Variants in SMIM36 observed in about 807,000 individuals in gnomAD.
The protein encoded by SMIM36 is small integral membrane protein 36.
chr17:55,528,562 T>A, the SMIM36 span, among the ~76,000 whole-genome samples: 3 of 151,268 alleles, frequency 2.0e-5, no homozygotes, highest in African/African-American at 7.3e-5. Context: ...TTTCTTTTTT[T>A]TTTTTTTGAG....
chr17:55,521,056 G>A, the SMIM36 span, among the ~76,000 whole-genome samples: 4 of 152,174 alleles, frequency 2.6e-5, no homozygotes, highest in African/African-American at 7.2e-5. Context: ...CCAGGAGGTG[G>A]AGGCTGCAGT....
the SMIM36 span, among the ~76,000 whole-genome samples, chr17:55,521,276 G>C: frequency 5.9e-5 from 9 of 152,224 alleles, no homozygotes; most frequent in Admixed American, 5.9e-4. Context: ...AGCAATTAGA[G>C]AGAAGAGTTT....
chr17:55,523,401 G>A, the SMIM36 span, among the ~76,000 whole-genome samples: 11 of 152,102 alleles, frequency 7.2e-5, no homozygotes, highest in African/African-American at 2.4e-4. Context: ...ATGGTGGCAC[G>A]CACCTGTAGT....
chr17:55,531,958 C>T, the SMIM36 span, among the ~76,000 whole-genome samples: 51,684 of 152,036 alleles, frequency 0.34, 8,893 homozygotes, highest in East Asian at 0.5. Flanking sequence ...ACATATGTCA[C>T]CCAAGTGTCA....
chr17:55,522,961 T>C, the SMIM36 span, among the ~76,000 whole-genome samples: 1 of 152,138 alleles, frequency 6.6e-6, no homozygotes, highest in Non-Finnish European at 1.5e-5. Context: ...CAAACACATC[T>C]CTTCCAATAT....
At chr17:55,460,455 A>AAAAAAAAAAAAAAAAAAAC (rs1567862737) in intron 4 of SMIM36, among the ~76,000 whole-genome samples, 1 of 148,802 alleles carries the variant, frequency 6.7e-6, no homozygotes, top group African/African-American at 2.5e-5. Context: ...AACAAAACAA[A>AAAAAAAAAAAAAAAAAAAC]AAAAAAGAAC....
the SMIM36 span, among the ~76,000 whole-genome samples, chr17:55,529,344 T>A: frequency 1.3e-5 from 2 of 152,218 alleles, no homozygotes; most frequent in Non-Finnish European, 2.9e-5. Flanking sequence ...ATATCCAGGC[T>A]GGGAGCAGTG....
the SMIM36 span, among the ~76,000 whole-genome samples, chr17:55,523,144 G>C: frequency 7.9e-5 from 12 of 152,100 alleles, no homozygotes. Context: ...TTAAAGACAT[G>C]ATTAAGTTAC....
At chr17:55,467,244 G>T (rs1909255492) in exon 4 of SMIM36, 1 of 152,192 alleles carries the variant, frequency 6.6e-6, no homozygotes, top group Non-Finnish European at 1.5e-5. Flanking sequence ...AAAGAGCAGT[G>T]GGGCTTGTTA....
At chr17:55,490,124 G>C (rs948691132) in intron 1 of SMIM36, among the ~76,000 whole-genome samples, 11 of 151,792 alleles carry the variant, frequency 7.2e-5, no homozygotes, top group Admixed American at 5.3e-4. Flanking sequence ...CAAAGTGCTC[G>C]GATTATAGAC....
At chr17:55,487,879 T>TCA (rs1909635225) in intron 1 of SMIM36, among the ~76,000 whole-genome samples, 1 of 152,150 alleles carries the variant, frequency 6.6e-6, no homozygotes, top group African/African-American at 2.4e-5. Flanking sequence ...GCCTTTGCTG[T>TCA]TTCGTGGCAA....
intron 3 of SMIM36, among the ~76,000 whole-genome samples, chr17:55,469,608 G>A (rs1470149399): frequency 6.6e-6 from 1 of 152,182 alleles, no homozygotes; most frequent in Non-Finnish European, 1.5e-5. Flanking sequence ...AGAAGAGACA[G>A]CCAAGCAACA....
chr17:55,528,867 C>T, the SMIM36 span, among the ~76,000 whole-genome samples: 2 of 152,106 alleles, frequency 1.3e-5, no homozygotes, highest in Non-Finnish European at 2.9e-5. Context: ...AGTCTTAAAC[C>T]TATAACGTAA....
intron 3 of SMIM36, among the ~76,000 whole-genome samples, chr17:55,475,121 A>C (rs1909407265): frequency 6.6e-6 from 1 of 152,070 alleles, no homozygotes; most frequent in Non-Finnish European, 1.5e-5. Context: ...CTTGGACTGC[A>C]CCCCAAAAAC....
chr17:55,492,103 GAGCTGAGATGCTGTCACTGCACTCC>G (rs1598454590), intron 1 of SMIM36, among the ~76,000 whole-genome samples: 2 of 151,146 alleles, frequency 1.3e-5, no homozygotes, highest in East Asian at 3.9e-4. Flanking sequence ...AGCTTGCAGT[GAGCTGAGATGCTGTCACTGCACTCC>G]AGCCTGGGCA....
At chr17:55,521,818 T>C in the SMIM36 span, among the ~76,000 whole-genome samples, 1 of 151,240 alleles carries the variant, frequency 6.6e-6, no homozygotes, top group African/African-American at 2.4e-5. Context: ...TAAAATATAT[T>C]GGGAATGCAA....
intron 1 of SMIM36, among the ~76,000 whole-genome samples, chr17:55,507,849 C>T (rs200052057): frequency 6.6e-6 from 1 of 152,180 alleles, no homozygotes; most frequent in Admixed American, 6.6e-5. Flanking sequence ...CGGACTTAAG[C>T]CAGGCGTCGT....
At chr17:55,511,860 A>G (rs1443713935), upstream of SMIM36, among the ~76,000 whole-genome samples, 1 of 152,182 alleles carries the variant, frequency 6.6e-6, no homozygotes, top group Non-Finnish European at 1.5e-5. Flanking sequence ...CTAGTGCCTG[A>G]TATTTTCACC....
At chr17:55,491,247 CAAAAAAA>C (rs1206937453) in intron 1 of SMIM36, among the ~76,000 whole-genome samples, 2 of 52,944 alleles carry the variant, frequency 3.8e-5, no homozygotes, top group African/African-American at 1.4e-4. Context: ...GTCTCCTCAC[CAAAAAAA>C]AAAAAAAAAA....
Sources: gnomAD v4.1 joint callset for allele counts (sites outside exome capture counted in the v4.1 genomes callset) on GRCh38, gnomAD v4.1.1 for gene constraint, MANE v1.5 for transcripts, NCBI Gene and HGNC (gene_info 2026-07-23, HGNC 2026-07-21) for gene names.